The following KCNH5 variants were observed in gnomAD, a reference collection of about 807,000 sequenced individuals.
KCNH5 encodes voltage-gated delayed rectifier potassium channel KCNH5.
Under a neutral mutation model 96.1 loss-of-function variants are expected in KCNH5, and 46 were observed. The observed-to-expected ratio is 0.48, with a 90% confidence interval of 0.38 to 0.61. The LOEUF is 0.61. KCNH5 is among the 20% of genes least tolerant of loss of function. KCNH5 has a pLI of 0.00. For synonymous variants in KCNH5, 439 were observed against 449.8 expected, an observed-to-expected ratio of 0.98 and a Z score of 0.30; for missense variants, 907 against 1,225.8, an observed-to-expected ratio of 0.74 and a Z score of 3.88.
intron 8 of KCNH5, among the ~76,000 whole-genome samples, chr14:62,820,672 AT>A (rs1321935590): frequency 6.6e-6 from 1 of 152,132 alleles, no homozygotes; most frequent in Non-Finnish European, 1.5e-5. Context: ...ACATGATCTC[AT>A]TCTTTTTTAT....
At chr14:62,777,063 T>C (rs755081806) in intron 10 of KCNH5, among the ~76,000 whole-genome samples, 2 of 152,222 alleles carry the variant, frequency 1.3e-5, no homozygotes, top group Non-Finnish European at 2.9e-5. Context: ...GTTTTGGTTA[T>C]AGAATTCACA....
intron 7 of KCNH5, among the ~76,000 whole-genome samples, chr14:62,938,167 T>C (rs1418481797): frequency 2.0e-5 from 3 of 152,142 alleles, no homozygotes; most frequent in Non-Finnish European, 4.4e-5. Flanking sequence ...TGGGGGGGTG[T>C]TGTTAAAAAT....
chr14:62,937,488 C>T (rs1375073544), intron 7 of KCNH5, among the ~76,000 whole-genome samples: 1 of 152,194 alleles, frequency 6.6e-6, no homozygotes, highest in Non-Finnish European at 1.5e-5. Flanking sequence ...TTGGCCACCC[C>T]TAGCCCACCT....
chr14:62,912,529 C>G (rs1053485633), intron 7 of KCNH5, among the ~76,000 whole-genome samples: 1 of 151,892 alleles, frequency 6.6e-6, no homozygotes, highest in Non-Finnish European at 1.5e-5. Context: ...GCCTCAGCCT[C>G]CTGAGTAGCT....
chr14:62,894,146 C>A (rs868824152), intron 7 of KCNH5, among the ~76,000 whole-genome samples: 4 of 152,140 alleles, frequency 2.6e-5, no homozygotes, highest in South Asian at 2.1e-4. Flanking sequence ...GTAAACATAA[C>A]TTTTATATGT....
At chr14:62,921,270 CAAAGTA>C (rs1399077689) in intron 7 of KCNH5, among the ~76,000 whole-genome samples, 1 of 151,926 alleles carries the variant, frequency 6.6e-6, no homozygotes, top group African/African-American at 2.4e-5. Flanking sequence ...CCCACTGATC[CAAAGTA>C]AAAATAAGAG....
intron 10 of KCNH5, among the ~76,000 whole-genome samples, chr14:62,768,826 T>C (rs967310169): frequency 6.6e-6 from 1 of 152,192 alleles, no homozygotes; most frequent in Admixed American, 6.5e-5. Flanking sequence ...CTTTGAAACT[T>C]GTGAAACTGT....
At chr14:63,024,264 A>C (rs1434341896) in intron 1 of KCNH5, among the ~76,000 whole-genome samples, 1 of 151,710 alleles carries the variant, frequency 6.6e-6, no homozygotes, top group Non-Finnish European at 1.5e-5. Context: ...ACAACATACC[A>C]AAACTTAAGG....
At position 62,850,704 on chromosome 14, in the gene KCNH5, C is replaced by A. The variant is rs1887786709; in HGVS notation, c.1370-852G>T. The stretch of plus-strand genomic sequence containing the variant: ...ATCCTACAAAAGCTTATTTAGGGTA[C>A]AGTTCAGCCTAAACTGAACAAACTT... On this transcript the variant is annotated intron_variant, in intron 7 of 10. Transcript: ENST00000322893. Among the ~76,000 whole-genome samples, 3 of 152,246 alleles carry A rather than the reference C, an allele frequency of 2.0e-5. No individual in the cohort carries two copies. In the South Asian group the frequency reaches 6.2e-4, roughly 31 times the overall value.
intron 7 of KCNH5, among the ~76,000 whole-genome samples, chr14:62,941,635 C>G (rs981513725): frequency 6.6e-6 from 1 of 152,122 alleles, no homozygotes; most frequent in African/African-American, 2.4e-5. Flanking sequence ...AGGCTTAAAG[C>G]TCTCCCCATC....
rs1017926642 is a variant in KCNH5 at position 62,704,925 on chromosome 14, T to C, written c.*2583A>G. The C allele has an allele frequency of 6.6e-6, 1 of 151,944 alleles. No individual in the cohort carries two copies. The highest frequency in any genetic ancestry group is 1.5e-5 in the Non-Finnish European group (1 of 67,824). The allele number at this position is 151,944 out of a possible 1,614,324, so 9.4% of individuals were successfully genotyped here. A position where few individuals can be genotyped will look rare whatever the true frequency, so the allele number is the denominator to read the frequency against. ...TGTGGAATCTGGGAACCTAAAAGAC[T>C]ACTCTATATACAATGTTTGCTGAAA... On this transcript the variant is annotated 3_prime_UTR_variant, in exon 11 of 11. Coordinates refer to ENST00000322893, the MANE Select transcript of KCNH5 (RefSeq NM_139318.5).
chr14:62,831,153 G>GT (rs563926916), intron 8 of KCNH5, among the ~76,000 whole-genome samples: 67 of 152,222 alleles, frequency 4.4e-4, no homozygotes, highest in African/African-American at 1.6e-3. Context: ...GTGGCTATTT[G>GT]TTCTCCTCCA....
chr14:62,834,048 G>A (rs28605594), intron 8 of KCNH5, among the ~76,000 whole-genome samples: 16,375 of 151,858 alleles, frequency 0.11, 1,114 homozygotes, highest in East Asian at 0.29. Context: ...ACTTTTTTAC[G>A]TTTTACTTTA....
At chr14:62,752,370 G>A (rs1885520444) in intron 10 of KCNH5, among the ~76,000 whole-genome samples, 1 of 152,008 alleles carries the variant, frequency 6.6e-6, no homozygotes, top group African/African-American at 2.4e-5. Flanking sequence ...GTACCAGCTT[G>A]AACGCAGTGG....
intron 7 of KCNH5, among the ~76,000 whole-genome samples, chr14:62,901,469 A>AC: frequency 6.6e-6 from 1 of 152,216 alleles, no homozygotes; most frequent in East Asian, 1.9e-4. Context: ...AAAAGTGGAA[A>AC]CCTGCAGTAT....
intron 4 of KCNH5, among the ~76,000 whole-genome samples, chr14:62,993,084 T>C (rs1204046029): frequency 6.6e-6 from 1 of 152,100 alleles, no homozygotes; most frequent in East Asian, 1.9e-4. Flanking sequence ...CTTTCCCCAA[T>C]ATATGTTCTT....
intron 4 of KCNH5, among the ~76,000 whole-genome samples, chr14:62,995,174 T>C (rs554434540): frequency 3.2e-4 from 48 of 152,162 alleles, no homozygotes; most frequent in African/African-American, 1.1e-3. Flanking sequence ...AAAATATCGA[T>C]ACAAGTAGGA....
chr14:62,767,949 G>A lies in KCNH5; in HGVS notation c.2019+11779C>T, dbSNP rs1028294767. Among the ~76,000 whole-genome samples, 15 of 152,218 alleles carry A rather than the reference G, an allele frequency of 9.9e-5. No homozygotes were observed. In the East Asian group the frequency reaches 2.5e-3, roughly 25 times the overall value. ...AGGCCATTATCTTAAGTGAAACAACGCAGAAACAGAAAGTCAAATACCACA... is the reference window on the plus strand; with the variant it reads ...AGGCCATTATCTTAAGTGAAACAACACAGAAACAGAAAGTCAAATACCACA... On this transcript the variant is annotated intron_variant, in intron 10 of 10. Transcript: ENST00000322893.
chr14:62,809,049 G>C (rs1886823964), intron 8 of KCNH5, among the ~76,000 whole-genome samples: 1 of 152,028 alleles, frequency 6.6e-6, no homozygotes, highest in Admixed American at 6.6e-5. Flanking sequence ...TTAACCAATA[G>C]AAAACTTTTT....
Sources: gnomAD v4.1 joint callset for allele counts (sites outside exome capture counted in the v4.1 genomes callset) on GRCh38, gnomAD v4.1.1 for gene constraint, MANE v1.5 for transcripts, NCBI Gene and HGNC (gene_info 2026-07-23, HGNC 2026-07-21) for gene names.